Variants in GPR176 observed in about 807,000 individuals in gnomAD.
GPR176 encodes G-protein coupled receptor 176.
GPR176 carries 26 observed loss-of-function variants against 35.4 expected under a neutral mutation model. That is an observed-to-expected ratio of 0.74 (90% CI 0.54 to 1.02). GPR176 has a LOEUF of 1.02. Ranked by LOEUF, GPR176 falls within the 50% of genes least tolerant of loss-of-function variation. The probability of loss-of-function intolerance (pLI) is 0.00; values close to 1 mark genes in which losing one functional copy is unlikely to be tolerated. For synonymous variants in GPR176, 278 were observed against 271.3 expected (o/e 1.02, Z -0.24); for missense variants, 597 against 665.3 (o/e 0.90, Z 1.13).
At chr15:39,902,181 T>C (rs751091265) in intron 1 of GPR176, among the ~76,000 whole-genome samples, 2 of 152,194 alleles carry the variant, frequency 1.3e-5, no homozygotes, top group Non-Finnish European at 2.9e-5. Flanking sequence ...TGACAAGTGA[T>C]TTTTATGCAT....
chr15:39,896,460 T>C (rs370365722), intron 1 of GPR176, among the ~76,000 whole-genome samples: 29 of 152,356 alleles, frequency 1.9e-4, no homozygotes, highest in African/African-American at 7.0e-4. Flanking sequence ...GGTTACATAA[T>C]TGAATCTCAT....
chr15:39,880,360 C>T lies in GPR176; in HGVS notation c.172+39495G>A, dbSNP rs1177197543. Among the ~76,000 whole-genome samples the T allele has an allele frequency of 2.0e-5, 3 of 152,164 alleles. No individual in the cohort carries two copies. In the East Asian group the frequency reaches 5.8e-4, roughly 29 times the overall value. ...TTCTCTACCACAGCTCTCCTGCCAC[C>T]TCTTTGACCATTTATTTACTGTCTG... On this transcript the variant is annotated intron_variant, in intron 1 of 2. Coordinates refer to ENST00000561100, the MANE Select transcript of GPR176 (RefSeq NM_007223.3).
At position 39,911,936 on chromosome 15, in the gene GPR176, C is replaced by T. The variant is rs1050382163; in HGVS notation, c.172+7919G>A. Among the ~76,000 whole-genome samples, 80 of 152,242 alleles carry T rather than the reference C, an allele frequency of 5.3e-4. 1 individual carries two copies. Among genetic ancestry groups the T allele is most frequent in the African/African-American group, 1.8e-3 (73 of 41,556 alleles). On this transcript the variant is annotated intron_variant, in intron 1 of 2. Coordinates refer to ENST00000561100, the MANE Select transcript of GPR176 (RefSeq NM_007223.3). ...TAAAAAAAAGTACCTTCAAAGATCACTATTTTAAAATACTTTAATACACTA... is the reference window on the plus strand; with the variant it reads ...TAAAAAAAAGTACCTTCAAAGATCATTATTTTAAAATACTTTAATACACTA...
chr15:39,915,968 CAAATTCATTTATA>C (rs1490062125), intron 1 of GPR176, among the ~76,000 whole-genome samples: 1 of 152,142 alleles, frequency 6.6e-6, no homozygotes, highest in Non-Finnish European at 1.5e-5. Context: ...TAAATAAAAG[CAAATTCATTTATA>C]AAAATCTCTT....
intron 1 of GPR176, among the ~76,000 whole-genome samples, chr15:39,849,056 G>A (rs1255368571): frequency 6.6e-6 from 1 of 151,900 alleles, no homozygotes; most frequent in Non-Finnish European, 1.5e-5. Context: ...AAAGATCAAT[G>A]AAATTGATAG....
intron 1 of GPR176, among the ~76,000 whole-genome samples, chr15:39,866,886 G>C (rs757932637): frequency 2.6e-5 from 4 of 152,114 alleles, no homozygotes; most frequent in Non-Finnish European, 5.9e-5. Context: ...GCATACAAAG[G>C]GGGAGCAAGG....
intron 1 of GPR176, among the ~76,000 whole-genome samples, chr15:39,869,020 T>C (rs1242813155): frequency 6.7e-6 from 1 of 148,734 alleles, no homozygotes; most frequent in Non-Finnish European, 1.5e-5. Context: ...AAAAAAAAAA[T>C]TCCCCCAAAT....
chr15:39,878,119 T>TGTGTGTGA (rs1361392811), intron 1 of GPR176, among the ~76,000 whole-genome samples: 2 of 151,360 alleles, frequency 1.3e-5, no homozygotes, highest in South Asian at 2.1e-4. Context: ...TGTGTGTGTG[T>TGTGTGTGA]GTGTGTGTGT....
At chr15:39,867,087 G>GA (rs1474684924) in intron 1 of GPR176, among the ~76,000 whole-genome samples, 1 of 152,178 alleles carries the variant, frequency 6.6e-6, no homozygotes, top group African/African-American at 2.4e-5. Context: ...GAATCCAAGT[G>GA]AAAGATTAAT....
intron 1 of GPR176, among the ~76,000 whole-genome samples, chr15:39,862,695 G>T (rs938914417): frequency 6.6e-6 from 1 of 152,208 alleles, no homozygotes; most frequent in African/African-American, 2.4e-5. Context: ...GGTGATGCTG[G>T]TGTGAACAAA....
chr15:39,802,526 T>C (rs1426436269), intron 2 of GPR176, among the ~76,000 whole-genome samples: 1 of 152,224 alleles, frequency 6.6e-6, no homozygotes, highest in Admixed American at 6.5e-5. Flanking sequence ...AAGTAAATAA[T>C]TTCAATTCAT....
chr15:39,829,035 T>C (rs892142712), intron 1 of GPR176: 4 of 731,952 alleles, frequency 5.5e-6, no homozygotes, highest in Non-Finnish European at 9.7e-6. Flanking sequence ...TACTATTCTA[T>C]CCCATTTTAA....
intron 1 of GPR176, among the ~76,000 whole-genome samples, chr15:39,915,053 C>T (rs797002917): frequency 5.3e-5 from 8 of 152,216 alleles, no homozygotes; most frequent in African/African-American, 1.9e-4. Flanking sequence ...CTCATGGAAT[C>T]AAGCCACAGG....
intron 1 of GPR176, among the ~76,000 whole-genome samples, chr15:39,853,119 TG>T (rs2030984087): frequency 6.6e-6 from 1 of 152,176 alleles, no homozygotes; most frequent in East Asian, 1.9e-4. Context: ...TGCACACTCA[TG>T]GTCATTGCAG....
At chr15:39,833,421 T>C (rs1473169846) in intron 1 of GPR176, among the ~76,000 whole-genome samples, 1 of 152,190 alleles carries the variant, frequency 6.6e-6, no homozygotes, top group African/African-American at 2.4e-5. Flanking sequence ...TATTGTACAA[T>C]TCCATTTGTA....
chr15:39,882,822 T>C (rs545654019), intron 1 of GPR176, among the ~76,000 whole-genome samples: 2 of 152,344 alleles, frequency 1.3e-5, no homozygotes, highest in South Asian at 4.1e-4. Context: ...AGCACTGTGG[T>C]TGTCATCAAG....
chr15:39,820,951 A>T (rs1900232408), intron 1 of GPR176, among the ~76,000 whole-genome samples: 1 of 152,198 alleles, frequency 6.6e-6, no homozygotes, highest in African/African-American at 2.4e-5. Flanking sequence ...TCTGTGCCTG[A>T]ATCTTCATTA....
At chr15:39,844,812 C>T (rs1254890426) in intron 1 of GPR176, among the ~76,000 whole-genome samples, 1 of 152,078 alleles carries the variant, frequency 6.6e-6, no homozygotes, top group Admixed American at 6.6e-5. Flanking sequence ...CTCCTGACAT[C>T]CAACCAGAAA....
intron 1 of GPR176, among the ~76,000 whole-genome samples, chr15:39,886,709 TA>T (rs1262887907): frequency 6.6e-6 from 1 of 152,212 alleles, no homozygotes; most frequent in Admixed American, 6.5e-5. Context: ...AATATAACAT[TA>T]GGAGAATTAA....
Sources: allele counts gnomAD v4.1 joint callset (sites outside exome capture counted in the v4.1 genomes callset), GRCh38; gene constraint gnomAD v4.1.1; transcripts MANE v1.5; gene names NCBI Gene and HGNC (gene_info 2026-07-23, HGNC 2026-07-21).